The following EIF3H variants were observed in gnomAD, a reference collection of about 807,000 sequenced individuals.
EIF3H encodes eukaryotic translation initiation factor 3 subunit H.
EIF3H carries 26 observed loss-of-function variants against 44.2 expected under a neutral mutation model. That is an observed-to-expected ratio of 0.59 (90% CI 0.43 to 0.82). The LOEUF (loss-of-function observed/expected upper bound fraction) is 0.82, where lower values mean the gene tolerates loss of function less well. Among genes scored for constraint, EIF3H ranks in the 40% least tolerant of loss-of-function variants. EIF3H has a pLI of 0.00. For missense variants in EIF3H, 359 were observed against 432.8 expected, an observed-to-expected ratio of 0.83 and a Z score of 1.51; for synonymous variants, 166 against 151.9, an observed-to-expected ratio of 1.09 and a Z score of -0.68.
In EIF3H at chr8:116,685,715, A is replaced by G. The variant is rs189287739; in HGVS notation, c.290-26735T>C. 1.2e-3 allele frequency among the ~76,000 whole-genome samples: 182 copies of G among 152,334 alleles called. 1 individual carries two copies. The highest frequency in any genetic ancestry group is 4.2e-3 in the African/African-American group (175 of 41,590). ...TTAACTCAAAAGGCACACAATGCTC[A>G]GCAGCCTTGCTCCTCCATTTGTTTT... On this transcript the variant is annotated intron_variant, in intron 2 of 7. Transcript: ENST00000521861.
At chr8:116,670,874 G>A (rs567538480) in intron 2 of EIF3H, among the ~76,000 whole-genome samples, 1 of 152,290 alleles carries the variant, frequency 6.6e-6, no homozygotes, top group Non-Finnish European at 1.5e-5. Context: ...AGCCTTATCA[G>A]CTGCCATTAG....
chr8:116,680,785 C>T (rs1375796509), intron 2 of EIF3H, among the ~76,000 whole-genome samples: 2 of 144,974 alleles, frequency 1.4e-5, no homozygotes, highest in African/African-American at 5.1e-5. Flanking sequence ...ATGACCCTGC[C>T]AAATCCCCCT....
intron 2 of EIF3H, among the ~76,000 whole-genome samples, chr8:116,683,470 C>T (rs1372842073): frequency 3.9e-5 from 6 of 152,156 alleles, no homozygotes; most frequent in Admixed American, 1.3e-4. Flanking sequence ...CTCATTACCT[C>T]ATCTAACCCT....
At chr8:116,738,003 C>G (rs1472183162) in intron 1 of EIF3H, among the ~76,000 whole-genome samples, 1 of 147,388 alleles carries the variant, frequency 6.8e-6, no homozygotes, top group Non-Finnish European at 1.5e-5. Flanking sequence ...CTATTGCACT[C>G]CAGCCTGGGC....
intron 2 of EIF3H, among the ~76,000 whole-genome samples, chr8:116,703,217 C>T (rs937574480): frequency 1.4e-4 from 22 of 152,064 alleles, no homozygotes; most frequent in Non-Finnish European, 2.4e-4. Context: ...CTAGGAAAAA[C>T]GAGGGCATAC....
intron 1 of EIF3H, among the ~76,000 whole-genome samples, chr8:116,743,695 C>A (rs1033066259): frequency 1.3e-5 from 2 of 150,018 alleles, no homozygotes; most frequent in Admixed American, 6.7e-5. Flanking sequence ...GAGGTGGAGG[C>A]TGCAGCGAGC....
At chr8:116,693,360 C>A (rs4532623) in intron 2 of EIF3H, among the ~76,000 whole-genome samples, 82,667 of 151,938 alleles carry the variant, frequency 0.54, 24,450 homozygotes, top group Non-Finnish European at 0.67. Context: ...TCTTCAGGGC[C>A]ATTTTTTTTT....
chr8:116,743,798 A>AT (rs1491232249), intron 1 of EIF3H, among the ~76,000 whole-genome samples: 13,836 of 76,130 alleles, frequency 0.18, 1,077 homozygotes, highest in Non-Finnish European at 0.2. Flanking sequence ...ATATATATAT[A>AT]AACACACACA....
upstream of EIF3H, among the ~76,000 whole-genome samples, chr8:116,757,341 T>C (rs915566709): frequency 6.6e-6 from 1 of 152,134 alleles, no homozygotes; most frequent in African/African-American, 2.4e-5. Flanking sequence ...TATGATCACC[T>C]TGACAAGAAA....
intron 2 of EIF3H, among the ~76,000 whole-genome samples, chr8:116,693,630 T>C (rs12541592): frequency 0.048 from 7,358 of 152,220 alleles, 304 homozygotes; most frequent in Admixed American, 0.15. Flanking sequence ...TAGGTCTCCC[T>C]CCCACTGGTA....
At chr8:116,736,919 ATAAAT>A (rs780742972) in intron 1 of EIF3H, among the ~76,000 whole-genome samples, 1 of 152,218 alleles carries the variant, frequency 6.6e-6, no homozygotes, top group African/African-American at 2.4e-5. Context: ...GTCACCAAAA[ATAAAT>A]TAAATTGTAT....
intron 2 of EIF3H, among the ~76,000 whole-genome samples, chr8:116,681,920 A>G (rs1451854776): frequency 6.6e-6 from 1 of 152,212 alleles, no homozygotes; most frequent in Admixed American, 6.5e-5. Flanking sequence ...AAGTTTAAAG[A>G]TATAGATAAG....
chr8:116,764,818 C>G (rs1209033551), intron 1 of EIF3H, among the ~76,000 whole-genome samples: 1 of 152,134 alleles, frequency 6.6e-6, no homozygotes, highest in Non-Finnish European at 1.5e-5. Flanking sequence ...CATGCCCGGC[C>G]GAAAACTTTG....
Position 116,643,918 on chromosome 8 carries a change from A to T in EIF3H, c.*1088T>A, listed in dbSNP as rs1813259548. On this transcript the variant is annotated 3_prime_UTR_variant, in exon 8 of 8. Coordinates refer to ENST00000521861, the MANE Select transcript of EIF3H (RefSeq NM_003756.3). ...ATCTGTGATTATCTTTAAAATATAA[A>T]AATTACTAAAATATGTTTTTCCCAA... 6.6e-6 allele frequency: 1 copy of T among 152,182 alleles called. No homozygotes were observed. Among genetic ancestry groups the T allele is most frequent in the Admixed American group, 6.5e-5 (1 of 15,276 alleles). 9.4% of individuals were successfully genotyped at this position (152,182 alleles called of 1,614,324 possible). A position where few individuals can be genotyped will look rare whatever the true frequency, so the allele number is the denominator to read the frequency against.
chr8:116,679,760 T>C (rs1316793463), intron 2 of EIF3H, among the ~76,000 whole-genome samples: 1 of 6,270 alleles, frequency 1.6e-4, no homozygotes, highest in African/African-American at 1.0e-3. Flanking sequence ...GGGAGGGAGG[T>C]GGGGGGGTCA....
intron 2 of EIF3H, among the ~76,000 whole-genome samples, chr8:116,720,745 T>G (rs546837380): frequency 6.6e-6 from 1 of 152,230 alleles, no homozygotes; most frequent in Admixed American, 6.5e-5. Flanking sequence ...AGGAACTTGT[T>G]GGGAACTGTA....
chr8:116,762,787 T>A (rs995924987), intron 1 of EIF3H, among the ~76,000 whole-genome samples: 16 of 152,094 alleles, frequency 1.1e-4, no homozygotes, highest in Non-Finnish European at 2.2e-4. Context: ...TACTTAAATA[T>A]ACAAAAATTA....
chr8:116,725,948 A>G, intron 2 of EIF3H, 68 bp downstream of exon 2: 1 of 1,503,308 alleles, frequency 6.7e-7, no homozygotes, highest in Non-Finnish European at 8.9e-7. Flanking sequence ...ATCAAAAGTT[A>G]TGGTGAGACC....
chr8:116,674,457 C>T (rs772045265), intron 2 of EIF3H, among the ~76,000 whole-genome samples: 1 of 152,118 alleles, frequency 6.6e-6, no homozygotes, highest in African/African-American at 2.4e-5. Context: ...GCATTCTATC[C>T]ATCCCACTTT....
Sources: gnomAD v4.1 joint callset for allele counts (sites outside exome capture counted in the v4.1 genomes callset) on GRCh38, gnomAD v4.1.1 for gene constraint, MANE v1.5 for transcripts, NCBI Gene and HGNC (gene_info 2026-07-23, HGNC 2026-07-21) for gene names.